Variants in PRMT7 observed in about 807,000 individuals in gnomAD.
PRMT7 encodes protein arginine N-methyltransferase 7.
In PRMT7, 75 loss-of-function variants were observed where a neutral mutation model predicts 85.4. The observed-to-expected ratio is 0.88, with a 90% CI of 0.73 to 1.06. The LOEUF (loss-of-function observed/expected upper bound fraction) is 1.06, where lower values mean the gene tolerates loss of function less well. Among genes scored for constraint, PRMT7 ranks in the 50% least tolerant of loss-of-function variants. PRMT7 has a pLI of 0.00. For synonymous variants in PRMT7, 397 were observed against 359.5 expected (o/e 1.10, Z -1.18); for missense variants, 868 against 915.2 (o/e 0.95, Z 0.67).
chr16:68,337,328 T>C (rs1886654707), intron 6 of PRMT7, 131 bp from the exon 7 acceptor site: 1 of 596,006 alleles, frequency 1.7e-6, no homozygotes, highest in Non-Finnish European at 3.0e-6. Context: ...TCCTGACACT[T>C]CTGAATACCT....
intron 6 of PRMT7, among the ~76,000 whole-genome samples, chr16:68,335,643 C>T (rs1350948709): frequency 6.6e-6 from 1 of 151,808 alleles, no homozygotes; most frequent in Non-Finnish European, 1.5e-5. Context: ...AGAGCCCATT[C>T]ACCCGTTTTA....
intron 9 of PRMT7, among the ~76,000 whole-genome samples, chr16:68,343,245 G>A (rs565136589): frequency 7.9e-5 from 12 of 152,004 alleles, no homozygotes; most frequent in East Asian, 5.8e-4. Flanking sequence ...GCATATCTTC[G>A]GAGCGCTACT....
chr16:68,326,508 A>C (rs1426619219), intron 5 of PRMT7, among the ~76,000 whole-genome samples: 1 of 152,168 alleles, frequency 6.6e-6, no homozygotes, highest in Non-Finnish European at 1.5e-5. Flanking sequence ...AGCCTCCCAA[A>C]GTGTTGGGAT....
intron 6 of PRMT7, among the ~76,000 whole-genome samples, chr16:68,329,876 TAC>T (rs6145876): frequency 2.2e-4 from 32 of 148,440 alleles, no homozygotes; most frequent in Middle Eastern, 3.4e-3. Flanking sequence ...TATGTATATG[TAC>T]ACACACACAC....
At chr16:68,348,260 A>T in intron 13 of PRMT7, 82 bp from the exon 14 acceptor site, 1 of 1,162,896 alleles carries the variant, frequency 8.6e-7, no homozygotes, top group African/African-American at 1.5e-5. Context: ...AAAGCGGAGA[A>T]TGCAACTTTG....
At chr16:68,353,312 TC>T in intron 15 of PRMT7, 179 bp from the exon 16 acceptor site, 1 of 1,360,254 alleles carries the variant, frequency 7.4e-7, no homozygotes, top group Non-Finnish European at 9.6e-7. Context: ...GCTTGCAGGT[TC>T]CCGCCCAGCC....
chr16:68,341,355 G>C (rs549247887), intron 9 of PRMT7, among the ~76,000 whole-genome samples: 1 of 152,176 alleles, frequency 6.6e-6, no homozygotes, highest in East Asian at 1.9e-4. Flanking sequence ...CACACCACGT[G>C]GGGGAGAGAT....
intron 9 of PRMT7, among the ~76,000 whole-genome samples, chr16:68,341,237 A>G (rs2151756993): frequency 6.6e-6 from 1 of 152,334 alleles, no homozygotes; most frequent in Non-Finnish European, 1.5e-5. Context: ...AAAGTGGGAA[A>G]GGTGTGTCGG....
At chr16:68,314,350 C>T (rs1463524113) in intron 2 of PRMT7, among the ~76,000 whole-genome samples, 3 of 152,240 alleles carry the variant, frequency 2.0e-5, no homozygotes, top group Admixed American at 2.0e-4. Context: ...CCTGCCTCAG[C>T]CTCCTGAGTA....
chr16:68,325,482 CT>C (rs1158032791), intron 5 of PRMT7, among the ~76,000 whole-genome samples: 1 of 151,502 alleles, frequency 6.6e-6, no homozygotes, highest in Non-Finnish European at 1.5e-5. Flanking sequence ...CAGAGTGAGA[CT>C]TTATCTCAAA....
Position 68,311,114 on chromosome 16 carries a change from A to C in PRMT7, c.-219+15A>C. On this transcript the variant is annotated intron_variant, in intron 1 of 18. Coordinates refer to ENST00000441236, the MANE Select transcript of PRMT7 (RefSeq NM_019023.5). ...TCCCGCGGCGGGTGAGGCGCTGGGTATGCTGGGAAGGTGGGGTCGCTTTGG... is the reference window on the plus strand; with the variant it reads ...TCCCGCGGCGGGTGAGGCGCTGGGTCTGCTGGGAAGGTGGGGTCGCTTTGG... 1.4e-6 allele frequency: 1 copy of C among 694,282 alleles called. No individual in the cohort carries two copies. The highest frequency in any genetic ancestry group is 2.6e-6 in the Non-Finnish European group (1 of 383,214). 43.0% of individuals were successfully genotyped at this position (694,282 alleles called of 1,614,324 possible).
intron 1 of PRMT7, 122 bp downstream of exon 1, chr16:68,311,221 C>A: frequency 1.9e-6 from 1 of 519,634 alleles, no homozygotes; most frequent in Non-Finnish European, 3.5e-6. Context: ...TGGACTCCTC[C>A]GCGTGGGGCA....
At chr16:68,336,319 C>G (rs1007268305) in intron 6 of PRMT7, among the ~76,000 whole-genome samples, 1 of 152,210 alleles carries the variant, frequency 6.6e-6, no homozygotes, top group African/African-American at 2.4e-5. Context: ...CAGAAGATCC[C>G]TCCCAAATCC....
At chr16:68,345,951 C>T in intron 10 of PRMT7, 149 bp downstream of exon 10, 3 of 1,350,802 alleles carry the variant, frequency 2.2e-6, no homozygotes, top group Admixed American at 2.0e-5. Context: ...TGTGTCAGTG[C>T]CCATTCGTGT....
chr16:68,323,997 C>T (rs1283179670), intron 4 of PRMT7: 3 of 152,164 alleles, frequency 2.0e-5, no homozygotes, highest in African/African-American at 4.8e-5. Context: ...GAGTTAGAGT[C>T]GGTAAAGGAA....
At chr16:68,341,620 G>A (rs555197443) in intron 9 of PRMT7, among the ~76,000 whole-genome samples, 2 of 152,210 alleles carry the variant, frequency 1.3e-5, no homozygotes, top group East Asian at 1.9e-4. Context: ...CGTTGGCCAG[G>A]CTGGTCTCAA....
intron 14 of PRMT7, among the ~76,000 whole-genome samples, chr16:68,350,230 A>G (rs947731722): frequency 6.6e-6 from 1 of 152,214 alleles, no homozygotes; most frequent in Non-Finnish European, 1.5e-5. Flanking sequence ...TTCTGTGAAC[A>G]TGGATTCACT....
At chr16:68,353,675 G>T in intron 16 of PRMT7, 109 bp downstream of exon 16, 1 of 1,014,372 alleles carries the variant, frequency 9.9e-7, no homozygotes, top group South Asian at 1.9e-5. Flanking sequence ...GGGCAGTGAG[G>T]TCAGGTGCTG....
chr16:68,359,131 G>C (rs1438638729), downstream of PRMT7: 3 of 152,544 alleles, frequency 2.0e-5, no homozygotes, highest in Non-Finnish European at 4.4e-5. Context: ...GCTATGTTGG[G>C]GTCTGGTGTG....
Sources: allele counts gnomAD v4.1 joint callset (sites outside exome capture counted in the v4.1 genomes callset), GRCh38; gene constraint gnomAD v4.1.1; transcripts MANE v1.5; gene names NCBI Gene and HGNC (gene_info 2026-07-23, HGNC 2026-07-21).